Variants in CFAP299 observed in about 807,000 individuals in gnomAD.
CFAP299 encodes the protein cilia and flagella associated protein 299.
CFAP299 carries 21 observed loss-of-function variants against 27.0 expected under a neutral mutation model. The observed-to-expected ratio is 0.78, with a 90% CI of 0.55 to 1.12. The LOEUF is 1.12. Ranked by LOEUF, CFAP299 falls within the 50% of genes most tolerant of loss-of-function variation. CFAP299 has a pLI of 0.00. For missense variants in CFAP299, 310 were observed against 276.6 expected (o/e 1.12, Z -0.86); for synonymous variants, 104 against 98.1 (o/e 1.06, Z -0.36).
chr4:80,325,117 C>T, the CFAP299 span, among the ~76,000 whole-genome samples: 15 of 152,078 alleles, frequency 9.9e-5, no homozygotes, highest in South Asian at 1.2e-3. Context: ...AGCGAGACTC[C>T]GTCTCAAAAC....
chr4:80,501,343 T>A (rs1258826123), intron 2 of CFAP299, among the ~76,000 whole-genome samples: 1 of 150,738 alleles, frequency 6.6e-6, no homozygotes, highest in Non-Finnish European at 1.5e-5. Context: ...GTAATTAAAG[T>A]ATATTGTCTA....
chr4:80,894,186 GA>G (rs1399697472), intron 4 of CFAP299, among the ~76,000 whole-genome samples: 2 of 151,876 alleles, frequency 1.3e-5, no homozygotes, highest in Non-Finnish European at 2.9e-5. Context: ...ACACTTGTTA[GA>G]ATGGGCATTA....
chr4:80,322,666 G>A, the CFAP299 span, among the ~76,000 whole-genome samples: 5 of 152,158 alleles, frequency 3.3e-5, no homozygotes, highest in South Asian at 2.1e-4. Flanking sequence ...CAGTAATCAT[G>A]TACAAATAAT....
intron 2 of CFAP299, among the ~76,000 whole-genome samples, chr4:80,576,593 C>T (rs189145935): frequency 2.0e-5 from 3 of 152,044 alleles, no homozygotes; most frequent in South Asian, 2.1e-4. Flanking sequence ...TAAATTTATC[C>T]GTGGGAAATA....
At chr4:80,353,922 C>G (rs1560526418) in intron 1 of CFAP299, among the ~76,000 whole-genome samples, 1 of 152,190 alleles carries the variant, frequency 6.6e-6, no homozygotes, top group Admixed American at 6.5e-5. Context: ...AAGTATTTCT[C>G]TTTCAACACC....
intron 3 of CFAP299, among the ~76,000 whole-genome samples, chr4:80,695,889 A>G (rs778674892): frequency 2.6e-5 from 4 of 152,010 alleles, no homozygotes; most frequent in East Asian, 1.9e-4. Context: ...AACTCAATCA[A>G]TCTGCTTACC....
chr4:80,765,080 T>TATAATA (rs377457062), intron 3 of CFAP299, among the ~76,000 whole-genome samples: 2,753 of 151,758 alleles, frequency 0.018, 28 homozygotes, highest in Non-Finnish European at 0.029. Context: ...TCCCAGAACT[T>TATAATA]ATAATAATAA....
chr4:80,726,485 T>C (rs1723170317), intron 3 of CFAP299, among the ~76,000 whole-genome samples: 1 of 152,118 alleles, frequency 6.6e-6, no homozygotes, highest in Non-Finnish European at 1.5e-5. Context: ...TTAAAACAAA[T>C]ATATTTTTAC....
intron 3 of CFAP299, among the ~76,000 whole-genome samples, chr4:80,616,869 ATTTT>A (rs1450699184): frequency 1.3e-5 from 2 of 152,138 alleles, no homozygotes. Flanking sequence ...TAATATATTT[ATTTT>A]AAGAATTCTA....
At chr4:80,914,820 G>A (rs969974886) in intron 4 of CFAP299, among the ~76,000 whole-genome samples, 2 of 152,038 alleles carry the variant, frequency 1.3e-5, no homozygotes, top group Non-Finnish European at 2.9e-5. Context: ...GTTATGGAGC[G>A]ATGTGTCCCC....
intron 3 of CFAP299, among the ~76,000 whole-genome samples, chr4:80,634,974 A>T (rs1739409053): frequency 6.6e-6 from 1 of 152,168 alleles, no homozygotes; most frequent in South Asian, 2.1e-4. Flanking sequence ...AATATTATGT[A>T]TTTCACTGAG....
intron 2 of CFAP299, among the ~76,000 whole-genome samples, chr4:80,497,385 GA>G (rs905698751): frequency 5.3e-5 from 8 of 152,144 alleles, no homozygotes; most frequent in Non-Finnish European, 2.9e-5. Flanking sequence ...GTTGATAAAT[GA>G]AACACTGCCA....
At chr4:80,935,343 T>C (rs935802874) in intron 4 of CFAP299, among the ~76,000 whole-genome samples, 2 of 152,092 alleles carry the variant, frequency 1.3e-5, no homozygotes, top group Non-Finnish European at 2.9e-5. Context: ...CAAAACTACA[T>C]GCTACTGGTA....
chr4:80,500,342 C>T (rs1233339021), intron 2 of CFAP299, among the ~76,000 whole-genome samples: 1 of 152,086 alleles, frequency 6.6e-6, no homozygotes, highest in East Asian at 1.9e-4. Context: ...CAGTCTTTGG[C>T]TCTGTTCTCT....
At chr4:80,327,690 T>TTATATATATATATATATA in the CFAP299 span, among the ~76,000 whole-genome samples, 19 of 51,224 alleles carry the variant, frequency 3.7e-4, no homozygotes, top group Admixed American at 5.4e-4. Flanking sequence ...TAGAGAGAAG[T>TTATATATATATATATATA]TATATATATA....
At chr4:80,950,254 C>CG in intron 5 of CFAP299, among the ~76,000 whole-genome samples, 1 of 69,792 alleles carries the variant, frequency 1.4e-5, no homozygotes, top group African/African-American at 7.2e-5. Context: ...CTTCCCTCCA[C>CG]CCCCCCCCTT....
At chr4:80,888,396 A>G (rs1175016778) in intron 4 of CFAP299, among the ~76,000 whole-genome samples, 1 of 152,126 alleles carries the variant, frequency 6.6e-6, no homozygotes, top group African/African-American at 2.4e-5. Flanking sequence ...GAAGATCATT[A>G]TTTAATGATA....
At chr4:80,689,518 G>T (rs1720497397) in intron 3 of CFAP299, among the ~76,000 whole-genome samples, 1 of 152,182 alleles carries the variant, frequency 6.6e-6, no homozygotes. Flanking sequence ...CACCAGGCCT[G>T]CCCTACAAGA....
At chr4:80,537,871 G>C (rs1198958630) in intron 2 of CFAP299, among the ~76,000 whole-genome samples, 13 of 151,908 alleles carry the variant, frequency 8.6e-5, no homozygotes, top group Non-Finnish European at 1.8e-4. Context: ...ATATTAATTA[G>C]CTTGATTTAA....
Sources: allele counts gnomAD v4.1 joint callset (sites outside exome capture counted in the v4.1 genomes callset), GRCh38; gene constraint gnomAD v4.1.1; transcripts MANE v1.5; gene names NCBI Gene and HGNC (gene_info 2026-07-23, HGNC 2026-07-21).